SCHIP1: variants seen among roughly 807,000 people sequenced by gnomAD.
SCHIP1 encodes schwannomin interacting protein 1.
Under a neutral mutation model 29.7 loss-of-function variants are expected in SCHIP1, and 8 were observed. The ratio of observed to expected loss-of-function variants is 0.27; its 90% CI spans 0.16 to 0.49. The LOEUF is 0.49. SCHIP1 is among the 20% of genes least tolerant of loss of function. The pLI is 0.99. For synonymous variants in SCHIP1, 76 were observed against 94.9 expected (o/e 0.80, Z 1.16); for missense variants, 193 against 294.6 (o/e 0.66, Z 2.52).
At chr3:159,322,978 T>G in the SCHIP1 span, among the ~76,000 whole-genome samples, 1 of 152,208 alleles carries the variant, frequency 6.6e-6, no homozygotes, top group Non-Finnish European at 1.5e-5. Flanking sequence ...CAATATCCTC[T>G]TTGTCACCCA....
At chr3:159,677,877 C>A in the SCHIP1 span, among the ~76,000 whole-genome samples, 24 of 152,234 alleles carry the variant, frequency 1.6e-4, no homozygotes, top group African/African-American at 5.3e-4. Flanking sequence ...ACTCTGTCAC[C>A]CAGGCTGGGG....
At chr3:159,771,775 G>A in the SCHIP1 span, among the ~76,000 whole-genome samples, 2 of 151,708 alleles carry the variant, frequency 1.3e-5, no homozygotes, top group Middle Eastern at 6.8e-3. Flanking sequence ...ATTAGTTCTG[G>A]GGCTATCTAT....
chr3:159,465,522 T>C, the SCHIP1 span, among the ~76,000 whole-genome samples: 2 of 152,134 alleles, frequency 1.3e-5, no homozygotes, highest in African/African-American at 4.8e-5. Context: ...TGTTCTAGGC[T>C]TCTAGTAAAT....
At chr3:159,724,413 C>T in the SCHIP1 span, among the ~76,000 whole-genome samples, 1 of 152,294 alleles carries the variant, frequency 6.6e-6, no homozygotes, top group Non-Finnish European at 1.5e-5. Flanking sequence ...CCTGACTCCT[C>T]TCCCTCTTCC....
At chr3:159,449,826 T>C in the SCHIP1 span, among the ~76,000 whole-genome samples, 3 of 151,850 alleles carry the variant, frequency 2.0e-5, no homozygotes, top group Admixed American at 1.3e-4. Flanking sequence ...AAATAAATTG[T>C]TGTCTGTGGA....
At chr3:159,356,389 CAGAATGAT>C in the SCHIP1 span, among the ~76,000 whole-genome samples, 1 of 152,098 alleles carries the variant, frequency 6.6e-6, no homozygotes, top group Non-Finnish European at 1.5e-5. Flanking sequence ...TATATTTCCT[CAGAATGAT>C]AGGTTGTGCT....
the SCHIP1 span, among the ~76,000 whole-genome samples, chr3:159,482,266 C>T: frequency 1.3e-5 from 2 of 152,134 alleles, no homozygotes; most frequent in African/African-American, 4.8e-5. Context: ...GCTTTGCCTG[C>T]ATAGGTAAAA....
chr3:159,431,694 A>T, the SCHIP1 span, among the ~76,000 whole-genome samples: 1 of 152,002 alleles, frequency 6.6e-6, no homozygotes, highest in Non-Finnish European at 1.5e-5. Flanking sequence ...CTGTAATCCC[A>T]GCTACTCGGG....
At chr3:159,738,226 C>T in the SCHIP1 span, among the ~76,000 whole-genome samples, 1 of 148,184 alleles carries the variant, frequency 6.7e-6, no homozygotes. Context: ...TTTTTCAGAT[C>T]TTCAATAAAT....
At chr3:159,376,698 C>T in the SCHIP1 span, among the ~76,000 whole-genome samples, 38 of 152,268 alleles carry the variant, frequency 2.5e-4, no homozygotes, top group South Asian at 6.2e-4. Context: ...AGGCCTTCTC[C>T]CTTCTTTTTA....
chr3:159,525,344 C>A, the SCHIP1 span, among the ~76,000 whole-genome samples: 1 of 152,130 alleles, frequency 6.6e-6, no homozygotes, highest in African/African-American at 2.4e-5. Flanking sequence ...CCTTTAGTGC[C>A]TAAAACAGAA....
the SCHIP1 span, among the ~76,000 whole-genome samples, chr3:159,352,078 A>T: frequency 6.6e-6 from 1 of 152,186 alleles, no homozygotes; most frequent in African/African-American, 2.4e-5. Flanking sequence ...ACCCTGCTTC[A>T]TCTGGGTTTC....
chr3:159,473,230 G>A, the SCHIP1 span, among the ~76,000 whole-genome samples: 1 of 152,008 alleles, frequency 6.6e-6, no homozygotes, highest in Admixed American at 6.6e-5. Context: ...AAACAGAAGA[G>A]ACAATTTACT....
At chr3:159,483,709 T>C in the SCHIP1 span, among the ~76,000 whole-genome samples, 1 of 152,208 alleles carries the variant, frequency 6.6e-6, no homozygotes, top group Non-Finnish European at 1.5e-5. Flanking sequence ...TCTTTAGATA[T>C]TTGTTTTCTG....
the SCHIP1 span, among the ~76,000 whole-genome samples, chr3:159,408,172 C>A: frequency 6.6e-6 from 1 of 151,978 alleles, no homozygotes; most frequent in Admixed American, 6.6e-5. Context: ...GTGGCAGGCA[C>A]CTGTAGTAGC....
At chr3:159,575,989 G>A in the SCHIP1 span, among the ~76,000 whole-genome samples, 2 of 151,904 alleles carry the variant, frequency 1.3e-5, no homozygotes, top group Non-Finnish European at 2.9e-5. Flanking sequence ...ATGTGTTCTA[G>A]GCTCAATTTA....
chr3:159,404,186 G>T, the SCHIP1 span, among the ~76,000 whole-genome samples: 183 of 152,152 alleles, frequency 1.2e-3, 2 homozygotes, highest in South Asian at 0.03. Flanking sequence ...CTGGCTTCGT[G>T]TGCGACCCAG....
the SCHIP1 span, among the ~76,000 whole-genome samples, chr3:159,485,798 C>A: frequency 1.3e-5 from 2 of 152,104 alleles, no homozygotes; most frequent in African/African-American, 2.4e-5. Flanking sequence ...TGATAAATGG[C>A]AGGTGCATTG....
chr3:159,743,022 T>C, the SCHIP1 span, among the ~76,000 whole-genome samples: 1 of 152,002 alleles, frequency 6.6e-6, no homozygotes, highest in African/African-American at 2.4e-5. Context: ...TGAATTCAAG[T>C]GCATTCCTCC....
Sources: gnomAD v4.1 joint callset for allele counts (sites outside exome capture counted in the v4.1 genomes callset) on GRCh38, gnomAD v4.1.1 for gene constraint, MANE v1.5 for transcripts, NCBI Gene and HGNC (gene_info 2026-07-23, HGNC 2026-07-21) for gene names.